The following MLIP variants were observed in gnomAD, a reference collection of about 807,000 sequenced individuals.
MLIP encodes muscular LMNA-interacting protein.
MLIP carries 79 observed loss-of-function variants against 84.8 expected under a neutral mutation model. The observed-to-expected ratio is 0.93, with a 90% CI of 0.78 to 1.12. MLIP has a LOEUF of 1.12. MLIP is among the 50% of genes most tolerant of loss of function. The probability of loss-of-function intolerance (pLI) is 0.00; values close to 1 mark genes in which losing one functional copy is unlikely to be tolerated. For synonymous variants in MLIP, 504 were observed against 463.0 expected (o/e 1.09, Z -1.14); for missense variants, 1,257 against 1,160.6 (o/e 1.08, Z -1.21).
chr6:54,078,068 T>C (rs1484766250), intron 1 of MLIP, among the ~76,000 whole-genome samples: 1 of 152,216 alleles, frequency 6.6e-6, no homozygotes, highest in African/African-American at 2.4e-5. Context: ...TACTGTCATT[T>C]TGGTGGAAAT....
At chr6:54,090,943 T>C (rs1767829692) in intron 1 of MLIP, among the ~76,000 whole-genome samples, 1 of 152,138 alleles carries the variant, frequency 6.6e-6, no homozygotes. Flanking sequence ...TTCATGTTTT[T>C]ATGGGGGCTA....
intron 12 of MLIP, among the ~76,000 whole-genome samples, chr6:54,231,658 T>A (rs1396502220): frequency 6.6e-6 from 1 of 152,198 alleles, no homozygotes; most frequent in Non-Finnish European, 1.5e-5. Context: ...GCTCAGACCC[T>A]GAAAATTTCC....
intron 1 of MLIP, chr6:54,043,465 C>T (rs1016256007): frequency 6.6e-6 from 1 of 152,164 alleles, no homozygotes; most frequent in Admixed American, 6.5e-5. Context: ...TCTCTTGGTG[C>T]TTGGATTTAT....
chr6:54,214,966 T>G (rs531706674), intron 11 of MLIP, among the ~76,000 whole-genome samples: 1 of 152,200 alleles, frequency 6.6e-6, no homozygotes, highest in African/African-American at 2.4e-5. Flanking sequence ...GGCTCTGCAA[T>G]AGGCCTGGGT....
At chr6:54,242,475 A>G (rs1446014254) in intron 12 of MLIP, among the ~76,000 whole-genome samples, 1 of 152,164 alleles carries the variant, frequency 6.6e-6, no homozygotes, top group Non-Finnish European at 1.5e-5. Context: ...TTATAGTCAT[A>G]TATTCAAGCA....
At chr6:54,037,334 T>C (rs78533615) in intron 1 of MLIP, among the ~76,000 whole-genome samples, 4,196 of 152,088 alleles carry the variant, frequency 0.028, 183 homozygotes, top group African/African-American at 0.093. Context: ...GGACTAACTC[T>C]GTAATCCAGC....
chr6:54,168,191 G>A (rs927659575), intron 8 of MLIP, among the ~76,000 whole-genome samples: 5 of 151,730 alleles, frequency 3.3e-5, no homozygotes, highest in African/African-American at 1.2e-4. Flanking sequence ...TAGAAACTTT[G>A]CACTTGTTCC....
rs1240714227 is a variant in MLIP, at chr6:54,128,738, C to A, written c.645+3873C>A. On this transcript the variant is annotated intron_variant, in intron 3 of 13. Transcript: ENST00000502396. ...GATGGGCAATTGACTGGCTATGTTC[C>A]TCTGGGTGAGTTACTTGAAATCATA... Among the ~76,000 whole-genome samples the A allele has an allele frequency of 3.9e-5, 6 of 152,062 alleles. 1 individual carries two copies. Among genetic ancestry groups the A allele is most frequent in the African/African-American group, 1.4e-4 (6 of 41,410 alleles).
At chr6:54,237,254 G>C (rs2150823968) in intron 12 of MLIP, among the ~76,000 whole-genome samples, 1 of 151,804 alleles carries the variant, frequency 6.6e-6, no homozygotes, top group East Asian at 2.0e-4. Flanking sequence ...GCTGCTGTAG[G>C]GACACACAGC....
intron 8 of MLIP, among the ~76,000 whole-genome samples, chr6:54,161,733 CAT>C (rs1179351500): frequency 6.6e-6 from 1 of 151,800 alleles, no homozygotes; most frequent in Non-Finnish European, 1.5e-5. Flanking sequence ...TTAGTAATGA[CAT>C]ATAAAACCCA....
At chr6:54,109,053 A>T (rs1240477503), upstream of MLIP, among the ~76,000 whole-genome samples, 1 of 149,834 alleles carries the variant, frequency 6.7e-6, no homozygotes, top group Non-Finnish European at 1.5e-5. Context: ...CTTCATATAT[A>T]TATATGTCTT....
chr6:54,252,598 TA>T (rs1370135076), intron 12 of MLIP, among the ~76,000 whole-genome samples: 1 of 149,592 alleles, frequency 6.7e-6, no homozygotes, highest in African/African-American at 2.5e-5. Context: ...ATTATGTACA[TA>T]ATCATGATAA....
At chr6:54,140,103 G>A (rs1401771575) in intron 4 of MLIP, among the ~76,000 whole-genome samples, 6 of 152,090 alleles carry the variant, frequency 3.9e-5, no homozygotes, top group East Asian at 1.9e-4. Flanking sequence ...TATTTAAAAC[G>A]AACTCACAAT....
intron 1 of MLIP, among the ~76,000 whole-genome samples, chr6:54,049,969 T>C (rs1224648636): frequency 1.3e-5 from 2 of 152,154 alleles, no homozygotes; most frequent in African/African-American, 2.4e-5. Flanking sequence ...AGTTTAATAA[T>C]TGTCTCAGAA....
At chr6:54,089,385 C>A (rs1229204187) in intron 1 of MLIP, among the ~76,000 whole-genome samples, 2 of 152,082 alleles carry the variant, frequency 1.3e-5, no homozygotes, top group Non-Finnish European at 2.9e-5. Flanking sequence ...AGTTTTATAT[C>A]CCAAGGCCAC....
At chr6:54,181,983 A>G (rs2150640276) in intron 9 of MLIP, among the ~76,000 whole-genome samples, 1 of 152,342 alleles carries the variant, frequency 6.6e-6, no homozygotes, top group Middle Eastern at 3.4e-3. Flanking sequence ...GTTGGGGAAG[A>G]AATAGCACAA....
intron 9 of MLIP, among the ~76,000 whole-genome samples, chr6:54,179,955 C>T (rs1224194272): frequency 2.0e-5 from 3 of 152,134 alleles, no homozygotes; most frequent in Non-Finnish European, 1.5e-5. Flanking sequence ...AATTGAAGAG[C>T]CCTCTTTAGC....
rs1782638461 is a variant in MLIP at position 54,252,146 on chromosome 6, A to ATATAACATATAATATATAACTATAT, written c.2923-5152_2923-5128dup. On this transcript the variant is annotated intron_variant, in intron 12 of 13. Coordinates refer to ENST00000502396, the MANE Select transcript of MLIP (RefSeq NM_001281747.2). ...TTATAACATATAATATATAACTATA[A>ATATAACATATAATATATAACTATAT]TATAACATATAATATATAACTATAT... Among the ~76,000 whole-genome samples the ATATAACATATAATATATAACTATAT allele has an allele frequency of 4.4e-5, 3 of 68,804 alleles. 1 individual carries two copies. Among genetic ancestry groups the ATATAACATATAATATATAACTATAT allele is most frequent in the East Asian group, 4.4e-4 (1 of 2,274 alleles). 45.1% of individuals were successfully genotyped at this position (68,804 alleles called of 152,430 possible).
chr6:54,110,750 A>T (rs994627228), upstream of MLIP, among the ~76,000 whole-genome samples: 11 of 152,246 alleles, frequency 7.2e-5, no homozygotes, highest in African/African-American at 2.7e-4. Context: ...AGAAAATAGA[A>T]GTACTGAAAG....
Sources: allele counts gnomAD v4.1 joint callset (sites outside exome capture counted in the v4.1 genomes callset), GRCh38; gene constraint gnomAD v4.1.1; transcripts MANE v1.5; gene names NCBI Gene and HGNC (gene_info 2026-07-23, HGNC 2026-07-21).